Variants in PRDM5 observed in about 807,000 individuals in gnomAD.
PRDM5 encodes the protein PR domain zinc finger protein 5.
In PRDM5, 56 loss-of-function variants were observed where a neutral mutation model predicts 81.2. The observed-to-expected ratio is 0.69, with a 90% confidence interval of 0.56 to 0.86. The LOEUF (loss-of-function observed/expected upper bound fraction) is 0.86. Among genes scored for constraint, PRDM5 ranks in the 40% least tolerant of loss-of-function variants. The pLI is 0.00. For missense variants in PRDM5, 697 were observed against 770.1 expected (o/e 0.91, Z 1.12); for synonymous variants, 267 against 256.4 (o/e 1.04, Z -0.39).
chr4:120,866,406 T>C lies in PRDM5; in HGVS notation c.178-12866A>G, dbSNP rs150477520. Among the ~76,000 whole-genome samples, 46 of 152,368 alleles carry C rather than the reference T, an allele frequency of 3.0e-4. No homozygotes were observed. The East Asian group carries it at 5.8e-3, about 19-fold the overall frequency. On this transcript the variant is annotated intron_variant, in intron 2 of 15. Transcript: ENST00000264808. ...CTTTGCATTTTATACTCATTTATTC[T>C]ATGAAAAGTGAAACATGAAAGAAAA...
chr4:120,707,032 A>T (rs1401006590), intron 15 of PRDM5, among the ~76,000 whole-genome samples: 2 of 152,056 alleles, frequency 1.3e-5, no homozygotes, highest in East Asian at 3.8e-4. Context: ...TTTCAAAAAG[A>T]CAGAAGAGGA....
chr4:120,822,892 A>G (rs1755473517), intron 3 of PRDM5, among the ~76,000 whole-genome samples: 2 of 152,168 alleles, frequency 1.3e-5, no homozygotes, highest in Non-Finnish European at 2.9e-5. Context: ...GAAGTTTTTA[A>G]ATTTTATATA....
intron 14 of PRDM5, among the ~76,000 whole-genome samples, chr4:120,740,200 C>T (rs1318394189): frequency 6.6e-6 from 1 of 152,106 alleles, no homozygotes; most frequent in East Asian, 1.9e-4. Flanking sequence ...TTCACTAATT[C>T]CAAAATCGAA....
At chr4:120,719,709 T>C (rs1578467370) in intron 14 of PRDM5, among the ~76,000 whole-genome samples, 2 of 152,042 alleles carry the variant, frequency 1.3e-5, no homozygotes, top group East Asian at 3.8e-4. Flanking sequence ...AAGTTATAAA[T>C]GGAAAAAAAA....
chr4:120,863,494 G>C (rs1274790912), intron 2 of PRDM5, among the ~76,000 whole-genome samples: 1 of 151,996 alleles, frequency 6.6e-6, no homozygotes, highest in Non-Finnish European at 1.5e-5. Flanking sequence ...CTGAAAATGG[G>C]ATACAAATTT....
At chr4:120,808,685 G>T (rs550996028) in intron 8 of PRDM5, among the ~76,000 whole-genome samples, 1 of 152,112 alleles carries the variant, frequency 6.6e-6, no homozygotes, top group Admixed American at 6.5e-5. Flanking sequence ...TGAGAGGCTC[G>T]GGCTGCACAG....
downstream of PRDM5, chr4:120,684,796 T>TA (rs1733775709): frequency 1.3e-5 from 2 of 151,938 alleles, no homozygotes; most frequent in South Asian, 4.1e-4. Context: ...AAAAATTACA[T>TA]AAATACATGA....
At chr4:120,799,811 C>T in intron 8 of PRDM5, 66 bp from the exon 9 acceptor site, 1 of 1,573,134 alleles carries the variant, frequency 6.4e-7, no homozygotes, top group Non-Finnish European at 8.6e-7. Context: ...AGCTCTCAAG[C>T]AAAAGTGTAA....
At chr4:120,914,317 G>A (rs1340514867) in intron 1 of PRDM5, among the ~76,000 whole-genome samples, 3 of 151,886 alleles carry the variant, frequency 2.0e-5, no homozygotes, top group East Asian at 3.9e-4. Flanking sequence ...ACTACGAACA[G>A]ATAAAAATAT....
At chr4:120,848,221 C>A (rs1001398108) in intron 3 of PRDM5, among the ~76,000 whole-genome samples, 2 of 152,080 alleles carry the variant, frequency 1.3e-5, no homozygotes, top group Non-Finnish European at 2.9e-5. Flanking sequence ...GGATACATAA[C>A]ATAAATAACT....
At chr4:120,799,455 A>G (rs1751806495) in intron 9 of PRDM5, among the ~76,000 whole-genome samples, 1 of 152,166 alleles carries the variant, frequency 6.6e-6, no homozygotes. Flanking sequence ...AAGATCTTCA[A>G]TATCATTTAC....
chr4:120,896,561 T>A (rs1023982699), intron 2 of PRDM5: 10 of 152,012 alleles, frequency 6.6e-5, no homozygotes, highest in African/African-American at 2.4e-4. Flanking sequence ...AGTTTGAAGT[T>A]TGTTACATTT....
At chr4:120,806,859 T>C (rs1397178704) in intron 8 of PRDM5, among the ~76,000 whole-genome samples, 1 of 152,102 alleles carries the variant, frequency 6.6e-6, no homozygotes, top group Non-Finnish European at 1.5e-5. Flanking sequence ...GGGATCTAAT[T>C]AAACTAAAGA....
At position 120,798,152 on chromosome 4, in the gene PRDM5, A is replaced by T. The variant is rs12507359; in HGVS notation, c.1188+115T>A. On this transcript the variant is annotated intron_variant, in intron 10 of 15. Coordinates refer to ENST00000264808, the MANE Select transcript of PRDM5 (RefSeq NM_018699.4). Reference sequence around the variant, plus strand: ...ATGGCCCAGGTGAGTGATCTTCTCTAGTTGTTGCATTATATACAGTAGGCC... The same window carrying T: ...ATGGCCCAGGTGAGTGATCTTCTCTTGTTGTTGCATTATATACAGTAGGCC... The T allele has an allele frequency of 0.24, 166,294 of 689,662 alleles. 21,910 individuals carry two copies. Among genetic ancestry groups the T allele is most frequent in the Non-Finnish European group, 0.28 (124,295 of 445,508 alleles). 42.7% of individuals were successfully genotyped at this position (689,662 alleles called of 1,614,324 possible).
chr4:120,734,467 A>G (rs534377856), intron 14 of PRDM5, among the ~76,000 whole-genome samples: 1 of 149,370 alleles, frequency 6.7e-6, no homozygotes, highest in South Asian at 2.1e-4. Context: ...CTACGTTCAA[A>G]CTAGCCTGGC....
chr4:120,919,917 C>T (rs560583874), intron 1 of PRDM5, among the ~76,000 whole-genome samples: 2 of 152,166 alleles, frequency 1.3e-5, no homozygotes, highest in South Asian at 2.1e-4. Context: ...TGACTCTTTT[C>T]GTTTTCTTGA....
At chr4:120,795,414 T>C (rs1751202760) in intron 10 of PRDM5, among the ~76,000 whole-genome samples, 1 of 152,196 alleles carries the variant, frequency 6.6e-6, no homozygotes, top group African/African-American at 2.4e-5. Flanking sequence ...GGTTCAATTG[T>C]GATTTAAAGA....
At chr4:120,808,977 C>A (rs1283414533) in intron 8 of PRDM5, among the ~76,000 whole-genome samples, 1 of 152,224 alleles carries the variant, frequency 6.6e-6, no homozygotes, top group African/African-American at 2.4e-5. Context: ...GCTGAGGGAG[C>A]CGGCTCCGGC....
rs550634050 is a variant in PRDM5 at position 120,869,794 on chromosome 4, T to C, written c.178-16254A>G. Among the ~76,000 whole-genome samples, 111 of 152,268 alleles carry C rather than the reference T, an allele frequency of 7.3e-4. No homozygotes were observed. In the South Asian group the frequency reaches 8.3e-3, roughly 11 times the overall value. On this transcript the variant is annotated intron_variant, in intron 2 of 15. Transcript: ENST00000264808. ...GAACAAGGTGTCTTTGATCCTCCTT[T>C]GCCATGTTGAAAAAAAACCTCATGT... is the stretch of plus-strand genomic sequence containing the variant.
Sources: allele counts gnomAD v4.1 joint callset (sites outside exome capture counted in the v4.1 genomes callset), GRCh38; gene constraint gnomAD v4.1.1; transcripts MANE v1.5; gene names NCBI Gene and HGNC (gene_info 2026-07-23, HGNC 2026-07-21).